The following SLC44A1 variants were observed in gnomAD, a reference collection of about 807,000 sequenced individuals.
SLC44A1 encodes solute carrier family 44 member 1.
SLC44A1 carries 26 observed loss-of-function variants against 79.3 expected under a neutral mutation model. That is an observed-to-expected ratio of 0.33 (90% confidence interval 0.24 to 0.46). The LOEUF (loss-of-function observed/expected upper bound fraction) is 0.46, where lower values mean the gene tolerates loss of function less well. Ranked by LOEUF, SLC44A1 falls within the 20% of genes least tolerant of loss-of-function variation. The pLI is 1.00. For missense variants in SLC44A1, 688 were observed against 798.1 expected (o/e 0.86, Z 1.66); for synonymous variants, 263 against 286.2 (o/e 0.92, Z 0.82).
rs1316476533 is a variant in SLC44A1, at chr9:105,351,666, G to GAAAGAAAGAAAGAAAA, written c.500+3225_500+3226insAGAAAAAAAGAAAGAA. Among the ~76,000 whole-genome samples the GAAAGAAAGAAAGAAAA allele has an allele frequency of 2.0e-5, 3 of 150,444 alleles. No individual in the cohort carries two copies. In the East Asian group the frequency reaches 5.8e-4, roughly 29 times the overall value. On this transcript the variant is annotated intron_variant, in intron 5 of 15. Transcript: ENST00000374720. ...AGAAAGAAAGAAAGAAAGAAAGAAA[G>GAAAGAAAGAAAGAAAA]AAAGAAAGAACCAAGAAAAAAATGT...
chr9:105,353,764 G>C (rs1159243148), intron 5 of SLC44A1, among the ~76,000 whole-genome samples: 2 of 152,170 alleles, frequency 1.3e-5, no homozygotes, highest in Non-Finnish European at 2.9e-5. Flanking sequence ...GGAGGCAAGT[G>C]AGTTAAACAG....
rs142099732 is a variant in SLC44A1, at chr9:105,318,794, A to G, written c.269+8928A>G. 1.8e-3 allele frequency among the ~76,000 whole-genome samples: 254 copies of G among 142,746 alleles called. 3 individuals are homozygous for G. The highest frequency in any genetic ancestry group is 2.4e-3 in the Non-Finnish European group (161 of 67,982). The allele number at this position is 142,746 out of a possible 152,430, so 93.6% of individuals were successfully genotyped here. On this transcript the variant is annotated intron_variant, in intron 3 of 15. Coordinates refer to ENST00000374720, the MANE Select transcript of SLC44A1 (RefSeq NM_080546.5). ...TTTGCCAATTCTAAATAGGGAAGTG[A>G]AAACCTGTTTAACAGAATTAGATGA...
At chr9:105,337,873 A>G (rs1260757804) in intron 4 of SLC44A1, among the ~76,000 whole-genome samples, 4 of 152,222 alleles carry the variant, frequency 2.6e-5, no homozygotes, top group Non-Finnish European at 5.9e-5. Flanking sequence ...CTAAGTGAAT[A>G]TGATACTGAC....
In SLC44A1 at chr9:105,395,684, A is replaced by C; in HGVS notation, c.*6628A>C. On this transcript the variant is annotated 3_prime_UTR_variant, in exon 16 of 16. Transcript: ENST00000374720. Reference sequence around the variant, plus strand: ...AAAGGGAATATTCTGACCTTCGTGTATGAATCTGATCCACCCATCCTGTCA... The same window carrying C: ...AAAGGGAATATTCTGACCTTCGTGTCTGAATCTGATCCACCCATCCTGTCA... The C allele has an allele frequency of 1.0e-6, 1 of 985,412 alleles. No individual in the cohort carries two copies. Among genetic ancestry groups the C allele is most frequent in the Non-Finnish European group, 1.2e-6 (1 of 829,912 alleles). 61.0% of individuals were successfully genotyped at this position (985,412 alleles called of 1,614,324 possible). A position where few individuals can be genotyped will look rare whatever the true frequency, so the allele number is the denominator to read the frequency against.
intron 4 of SLC44A1, among the ~76,000 whole-genome samples, chr9:105,344,567 A>G (rs1827191518): frequency 6.6e-6 from 1 of 152,230 alleles, no homozygotes; most frequent in African/African-American, 2.4e-5. Flanking sequence ...TTTGTAGCAA[A>G]TGGTGAAAAG....
intron 1 of SLC44A1, among the ~76,000 whole-genome samples, chr9:105,265,891 T>C (rs2131220897): frequency 6.6e-6 from 1 of 152,240 alleles, no homozygotes; most frequent in East Asian, 1.9e-4. Flanking sequence ...TTTCATGTAC[T>C]TATTTAACAT....
intron 5 of SLC44A1, among the ~76,000 whole-genome samples, chr9:105,352,313 A>G (rs1297049802): frequency 6.6e-6 from 1 of 152,194 alleles, no homozygotes; most frequent in Non-Finnish European, 1.5e-5. Context: ...GAGTAATTAT[A>G]TGAGATGCAG....
chr9:105,284,228 CTTTTTTTT>C (rs34449378), intron 1 of SLC44A1, among the ~76,000 whole-genome samples: 4 of 132,140 alleles, frequency 3.0e-5, no homozygotes, highest in African/African-American at 1.1e-4. Context: ...CAAATACAGT[CTTTTTTTT>C]TTTTTTTTTT....
Position 105,309,709 on chromosome 9 carries a change from C to G in SLC44A1, c.127-15C>G. On this transcript the variant is annotated splice_polypyrimidine_tract_variant and intron_variant, in intron 2 of 15. Coordinates refer to ENST00000374720, the MANE Select transcript of SLC44A1 (RefSeq NM_080546.5). ...AAATGGTTTATTTGTATGTTTTTTT[C>G]TGTTTCTTTCCTAGGGATTTATTTG... 6.2e-7 allele frequency: 1 copy of G among 1,610,988 alleles called. No homozygotes were observed. Among genetic ancestry groups the G allele is most frequent in the Non-Finnish European group, 8.5e-7 (1 of 1,178,512 alleles).
intron 15 of SLC44A1, among the ~76,000 whole-genome samples, chr9:105,424,337 T>C (rs1829292457): frequency 6.6e-6 from 1 of 152,228 alleles, no homozygotes; most frequent in East Asian, 1.9e-4. Context: ...GGATGGATAC[T>C]GGCTGTGATT....
intron 3 of SLC44A1, among the ~76,000 whole-genome samples, chr9:105,334,457 A>G (rs1341825603): frequency 2.0e-5 from 3 of 149,750 alleles, no homozygotes; most frequent in Non-Finnish European, 4.5e-5. Flanking sequence ...CCTAATTTTT[A>G]TATTAGGTTA....
chr9:105,374,570 C>T (rs377578910), intron 12 of SLC44A1, 28 bp from the exon 13 acceptor site: 27 of 1,592,738 alleles, frequency 1.7e-5, no homozygotes, highest in Middle Eastern at 1.7e-4. Context: ...CAATTGTTGA[C>T]GAAAATGTTG....
chr9:105,392,396 T>G lies in SLC44A1; in HGVS notation c.*3340T>G, dbSNP rs1373418668. On this transcript the variant is annotated 3_prime_UTR_variant, in exon 16 of 16. Transcript: ENST00000374720. ...TTCTTTTGTAGAGATGCTCTCTCTC[T>G]CTCTCTCTTTTTTTTTTTTTTTTTT... is the stretch of plus-strand genomic sequence containing the variant. 1.1e-6 allele frequency: 1 copy of G among 878,100 alleles called. No homozygotes were observed. The highest frequency in any genetic ancestry group is 1.3e-6 in the Non-Finnish European group (1 of 764,884). 54.4% of individuals were successfully genotyped at this position (878,100 alleles called of 1,614,324 possible).
intron 15 of SLC44A1, among the ~76,000 whole-genome samples, chr9:105,436,529 T>C (rs943775256): frequency 6.6e-5 from 10 of 152,158 alleles, no homozygotes; most frequent in Non-Finnish European, 1.2e-4. Flanking sequence ...TACAGTGAGC[T>C]ATGATCATGC....
rs1828875927 is a variant in SLC44A1 at position 105,396,415 on chromosome 9, A to G, written c.*7359A>G. On this transcript the variant is annotated 3_prime_UTR_variant, in exon 16 of 16. Transcript: ENST00000374720. ...AAAAAACAACCAAAGACAAAACCCT[A>G]TCTTCTGAAGACCAAAGGTCCAACT... The G allele has an allele frequency of 2.0e-6, 2 of 985,342 alleles. No homozygotes were observed. Among genetic ancestry groups the G allele is most frequent in the South Asian group, 4.7e-5 (1 of 21,296 alleles). 61.0% of individuals were successfully genotyped at this position (985,342 alleles called of 1,614,324 possible).
intron 15 of SLC44A1, among the ~76,000 whole-genome samples, chr9:105,422,281 C>CTTTTTTT (rs554922812): frequency 2.1e-5 from 2 of 95,908 alleles, no homozygotes; most frequent in African/African-American, 4.5e-5. Flanking sequence ...CTGCTCCATC[C>CTTTTTTT]TTTTTTTTTT....
At chr9:105,408,033 G>C (rs1829050388) in intron 15 of SLC44A1, among the ~76,000 whole-genome samples, 1 of 151,796 alleles carries the variant, frequency 6.6e-6, no homozygotes, top group African/African-American at 2.4e-5. Flanking sequence ...TGGCATAGTG[G>C]TAGGCGCCTG....
At chr9:105,430,341 AT>A (rs1389207146) in intron 15 of SLC44A1, among the ~76,000 whole-genome samples, 2 of 152,198 alleles carry the variant, frequency 1.3e-5, no homozygotes, top group Non-Finnish European at 2.9e-5. Flanking sequence ...TTTTTGGCAA[AT>A]GCACAAAGCT....
At chr9:105,387,471 G>A (rs1048221470) in intron 15 of SLC44A1, among the ~76,000 whole-genome samples, 30 of 152,088 alleles carry the variant, frequency 2.0e-4, no homozygotes, top group Non-Finnish European at 1.5e-5. Context: ...CAAAAGCTGA[G>A]GAGGGCAGCA....
Sources: allele counts gnomAD v4.1 joint callset (sites outside exome capture counted in the v4.1 genomes callset), GRCh38; gene constraint gnomAD v4.1.1; transcripts MANE v1.5; gene names NCBI Gene and HGNC (gene_info 2026-07-23, HGNC 2026-07-21).